Variants in EXOC6B observed in about 807,000 individuals in gnomAD.
The protein encoded by EXOC6B is SEC15 homolog B.
In EXOC6B, 54 loss-of-function variants were observed where a neutral mutation model predicts 113.5. The observed-to-expected ratio is 0.48, with a 90% CI of 0.38 to 0.60. The LOEUF is 0.60. EXOC6B is among the 20% of genes least tolerant of loss of function. The probability of loss-of-function intolerance (pLI) is 0.00; values close to 1 mark genes in which losing one functional copy is unlikely to be tolerated. For synonymous variants in EXOC6B, 357 were observed against 339.0 expected (o/e 1.05, Z -0.58); for missense variants, 797 against 977.5 (o/e 0.82, Z 2.46).
In EXOC6B at chr2:72,448,401, C is replaced by T. The variant is rs189974519; in HGVS notation, c.1980+16759G>A. 2.0e-4 allele frequency among the ~76,000 whole-genome samples: 31 copies of T among 152,196 alleles called. 1 individual carries two copies. Among genetic ancestry groups the T allele is most frequent in the Middle Eastern group, 3.4e-3 (1 of 294 alleles). On this transcript the variant is annotated intron_variant, in intron 18 of 21. Transcript: ENST00000272427. ...ATTAGGTAATTATTTCCAAAATCAA[C>T]TTATAATATAGGTAATATCTTACAA...
At chr2:72,802,100 G>A (rs558272258) in intron 1 of EXOC6B, among the ~76,000 whole-genome samples, 8 of 152,214 alleles carry the variant, frequency 5.3e-5, no homozygotes, top group South Asian at 2.1e-4. Context: ...CAAGGCAGGC[G>A]GATCACAAGG....
intron 18 of EXOC6B, among the ~76,000 whole-genome samples, chr2:72,413,406 G>C (rs1299662725): frequency 6.6e-6 from 1 of 150,866 alleles, no homozygotes. Flanking sequence ...AGATGGGGTC[G>C]GCCAGGCACT....
chr2:72,671,797 AAG>A (rs775409661), intron 6 of EXOC6B, among the ~76,000 whole-genome samples: 71 of 137,952 alleles, frequency 5.1e-4, no homozygotes, highest in Non-Finnish European at 7.8e-4. Context: ...GAAAGAAAGA[AAG>A]AAAGAAAGAA....
intron 8 of EXOC6B, among the ~76,000 whole-genome samples, chr2:72,550,216 G>A (rs6742088): frequency 0.87 from 132,553 of 152,066 alleles, 57,959 homozygotes; most frequent in East Asian, 0.99. Flanking sequence ...TTTTTTAAAA[G>A]TCTTTGTAAT....
At chr2:72,277,495 T>G (rs1684871194) in intron 20 of EXOC6B, among the ~76,000 whole-genome samples, 2 of 150,088 alleles carry the variant, frequency 1.3e-5, no homozygotes, top group Non-Finnish European at 3.0e-5. Context: ...ATGTATTTGT[T>G]TTTTTTTTTT....
At chr2:72,607,912 T>C (rs1353671033) in intron 6 of EXOC6B, among the ~76,000 whole-genome samples, 1 of 151,852 alleles carries the variant, frequency 6.6e-6, no homozygotes, top group East Asian at 1.9e-4. Flanking sequence ...GGAAAAGAAT[T>C]CCAATTCACA....
At chr2:72,491,066 T>C (rs374384880) in intron 16 of EXOC6B, among the ~76,000 whole-genome samples, 1 of 152,212 alleles carries the variant, frequency 6.6e-6, no homozygotes, top group Non-Finnish European at 1.5e-5. Context: ...GAGGACTTCC[T>C]AATTTTCACT....
rs1241909913 is a variant in EXOC6B, at chr2:72,179,264, T to A, written c.*71A>T. ...TGAAGAAGAATGCACAAATGCAGGG[T>A]CAGCTGGGGCTGGACCCCAGACTGA... On this transcript the variant is annotated 3_prime_UTR_variant, in exon 22 of 22. Coordinates refer to ENST00000272427, the MANE Select transcript of EXOC6B (RefSeq NM_015189.3). 1.4e-6 allele frequency: 2 copies of A among 1,471,142 alleles called. No individual in the cohort carries two copies. Among genetic ancestry groups the A allele is most frequent in the Non-Finnish European group, 1.8e-6 (2 of 1,106,570 alleles). 91.1% of individuals were successfully genotyped at this position (1,471,142 alleles called of 1,614,324 possible). A position where few individuals can be genotyped will look rare whatever the true frequency, so the allele number is the denominator to read the frequency against.
intron 20 of EXOC6B, among the ~76,000 whole-genome samples, chr2:72,191,645 G>T (rs1678841007): frequency 6.6e-6 from 1 of 152,168 alleles, no homozygotes; most frequent in Non-Finnish European, 1.5e-5. Context: ...ATCCAAACAA[G>T]CCAAAGTGGA....
intron 18 of EXOC6B, among the ~76,000 whole-genome samples, chr2:72,386,826 G>C (rs1162620528): frequency 6.6e-6 from 1 of 152,234 alleles, no homozygotes; most frequent in East Asian, 1.9e-4. Flanking sequence ...TATGTATTCT[G>C]TAACATCATG....
intron 18 of EXOC6B, among the ~76,000 whole-genome samples, chr2:72,401,496 T>C (rs1254482627): frequency 1.9e-5 from 1 of 52,588 alleles, no homozygotes. Flanking sequence ...TTTATATACA[T>C]ATATATATAT....
At chr2:72,794,303 A>G (rs974184041) in intron 1 of EXOC6B, among the ~76,000 whole-genome samples, 1 of 152,202 alleles carries the variant, frequency 6.6e-6, no homozygotes, top group Non-Finnish European at 1.5e-5. Flanking sequence ...CTCTTAACAC[A>G]GTATCAGCTG....
chr2:72,718,815 C>G (rs919659331), intron 5 of EXOC6B, among the ~76,000 whole-genome samples: 4 of 152,118 alleles, frequency 2.6e-5, no homozygotes, highest in African/African-American at 7.2e-5. Context: ...CAGTGCACTC[C>G]AGCCTAGAGG....
intron 6 of EXOC6B, among the ~76,000 whole-genome samples, chr2:72,598,985 A>G (rs1670233994): frequency 6.6e-6 from 1 of 152,130 alleles, no homozygotes; most frequent in African/African-American, 2.4e-5. Flanking sequence ...GAAAGAAATT[A>G]TTGAATTCTC....
chr2:72,638,900 G>A (rs544133353), intron 6 of EXOC6B, among the ~76,000 whole-genome samples: 7 of 152,260 alleles, frequency 4.6e-5, no homozygotes, highest in Admixed American at 2.6e-4. Context: ...AGACCAACAT[G>A]AGCACCCCTT....
intron 2 of EXOC6B, 116 bp downstream of exon 2, chr2:72,741,188 A>G (rs1264022332): frequency 9.5e-7 from 1 of 1,047,490 alleles, no homozygotes; most frequent in Non-Finnish European, 1.3e-6. Context: ...TTCCTTTCTA[A>G]TTATACAAAA....
intron 17 of EXOC6B, among the ~76,000 whole-genome samples, chr2:72,480,160 C>T (rs900418726): frequency 6.6e-6 from 1 of 151,270 alleles, no homozygotes; most frequent in African/African-American, 2.4e-5. Flanking sequence ...GCCAAGATTG[C>T]ACCACTGCAC....
At chr2:72,273,053 G>C (rs1573146307) in intron 20 of EXOC6B, among the ~76,000 whole-genome samples, 1 of 152,068 alleles carries the variant, frequency 6.6e-6, no homozygotes, top group African/African-American at 2.4e-5. Context: ...TGAAATCTAG[G>C]TGTGATAAAC....
chr2:72,417,233 G>A (rs937303488), intron 18 of EXOC6B, among the ~76,000 whole-genome samples: 9 of 152,054 alleles, frequency 5.9e-5, no homozygotes, highest in Admixed American at 2.6e-4. Context: ...CACTCTGGTC[G>A]ACCAGGCTGG....
Sources: allele counts gnomAD v4.1 joint callset (sites outside exome capture counted in the v4.1 genomes callset), GRCh38; gene constraint gnomAD v4.1.1; transcripts MANE v1.5; gene names NCBI Gene and HGNC (gene_info 2026-07-23, HGNC 2026-07-21).